The following EPB41L3 variants were observed in gnomAD, a reference collection of about 807,000 sequenced individuals.
EPB41L3 encodes band 4.1-like protein 3.
In EPB41L3, 57 loss-of-function variants were observed where a neutral mutation model predicts 127.1. The ratio of observed to expected loss-of-function variants is 0.45; its 90% CI spans 0.36 to 0.56. EPB41L3 has a LOEUF of 0.56. EPB41L3 is among the 20% of genes least tolerant of loss of function. The pLI is 0.00. For missense variants in EPB41L3, 1,273 were observed against 1,372.2 expected (o/e 0.93, Z 1.14); for synonymous variants, 572 against 549.5 (o/e 1.04, Z -0.57).
chr18:5,611,987 T>C (rs1208037085), intron 3 of EPB41L3, among the ~76,000 whole-genome samples: 1 of 151,868 alleles, frequency 6.6e-6, no homozygotes, highest in East Asian at 1.9e-4. Flanking sequence ...TGTTAAGTTC[T>C]CAATCCATAA....
intron 2 of EPB41L3, among the ~76,000 whole-genome samples, chr18:5,612,830 T>C (rs1383568317): frequency 6.6e-6 from 1 of 152,174 alleles, no homozygotes; most frequent in East Asian, 1.9e-4. Context: ...AATCTCCGCC[T>C]CCAGGGTTCA....
intron 13 of EPB41L3, 123 bp from the exon 14 acceptor site, chr18:5,410,742 T>C (rs771395325): frequency 2.8e-6 from 2 of 707,214 alleles, no homozygotes; most frequent in Non-Finnish European, 4.9e-6. Context: ...TTTCTCTGTG[T>C]CACACTACCT....
chr18:5,430,525 C>G (rs2078848615), intron 8 of EPB41L3, among the ~76,000 whole-genome samples: 1 of 151,966 alleles, frequency 6.6e-6, no homozygotes, highest in African/African-American at 2.4e-5. Flanking sequence ...TTTTCTGCCA[C>G]AGCCCACAGT....
intron 3 of EPB41L3, among the ~76,000 whole-genome samples, chr18:5,557,725 C>G (rs1459055138): frequency 6.6e-6 from 1 of 152,112 alleles, no homozygotes; most frequent in East Asian, 1.9e-4. Context: ...GAAGTTCTCT[C>G]AAGAATACAG....
At chr18:5,578,751 C>T (rs1275319671) in intron 3 of EPB41L3, among the ~76,000 whole-genome samples, 1 of 151,994 alleles carries the variant, frequency 6.6e-6, no homozygotes, top group South Asian at 2.1e-4. Flanking sequence ...ATTCACTTAG[C>T]AAAAAATGAA....
intron 3 of EPB41L3, among the ~76,000 whole-genome samples, chr18:5,576,172 C>T (rs377471623): frequency 6.6e-6 from 1 of 151,766 alleles, no homozygotes; most frequent in Admixed American, 6.6e-5. Flanking sequence ...CTAGAATTAT[C>T]GAAAAATTAG....
At chr18:5,512,791 G>T (rs1402266345) in intron 1 of EPB41L3, among the ~76,000 whole-genome samples, 3 of 152,072 alleles carry the variant, frequency 2.0e-5, no homozygotes, top group African/African-American at 7.2e-5. Flanking sequence ...CTACCATAAG[G>T]TACCCTAAAA....
At chr18:5,601,496 T>C (rs2094591158) in intron 3 of EPB41L3, among the ~76,000 whole-genome samples, 1 of 152,142 alleles carries the variant, frequency 6.6e-6, no homozygotes, top group South Asian at 2.1e-4. Flanking sequence ...TAATAAAACC[T>C]TGTAGTGTGT....
At chr18:5,405,000 A>C (rs1413769146) in intron 16 of EPB41L3, among the ~76,000 whole-genome samples, 3 of 152,230 alleles carry the variant, frequency 2.0e-5, no homozygotes, top group African/African-American at 7.2e-5. Context: ...ACTGAAGTGT[A>C]ATGGTACAAG....
At chr18:5,546,101 T>C (rs967066792), upstream of EPB41L3, among the ~76,000 whole-genome samples, 12 of 152,246 alleles carry the variant, frequency 7.9e-5, no homozygotes, top group African/African-American at 2.9e-4. Context: ...ATTTTTGCTA[T>C]TCTTTAAAAT....
At chr18:5,569,184 A>T (rs1356555881) in intron 3 of EPB41L3, among the ~76,000 whole-genome samples, 1 of 152,236 alleles carries the variant, frequency 6.6e-6, no homozygotes, top group Non-Finnish European at 1.5e-5. Context: ...CAGTAACATT[A>T]AACTCCCTTT....
rs1207407750 is a variant in EPB41L3, at chr18:5,492,319, C to CA, written c.-11-3126dup. Among the ~76,000 whole-genome samples the CA allele has an allele frequency of 4.1e-5, 6 of 146,620 alleles. 1 individual carries two copies. In the East Asian group the frequency reaches 1.2e-3, roughly 30 times the overall value. The stretch of plus-strand genomic sequence containing the variant: ...TGGGTGACACAGAGAGACTCGGTCT[C>CA]AAAAAAATAAATACAATACAATATA... On this transcript the variant is annotated intron_variant, in intron 1 of 22. Transcript: ENST00000341928.
At chr18:5,549,153 C>T (rs2093927988), upstream of EPB41L3, among the ~76,000 whole-genome samples, 1 of 152,216 alleles carries the variant, frequency 6.6e-6, no homozygotes, top group African/African-American at 2.4e-5. Flanking sequence ...AACTAATAAA[C>T]ATACAGCAAT....
At chr18:5,413,749 C>T (rs1344880136) in intron 13 of EPB41L3, among the ~76,000 whole-genome samples, 2 of 152,192 alleles carry the variant, frequency 1.3e-5, no homozygotes, top group Admixed American at 6.5e-5. Flanking sequence ...GGCAGGAGAG[C>T]TATCATATAG....
intron 3 of EPB41L3, among the ~76,000 whole-genome samples, chr18:5,470,153 CTG>C (rs759471527): frequency 3.9e-5 from 6 of 152,216 alleles, no homozygotes; most frequent in Non-Finnish European, 7.3e-5. Context: ...TAGCCTTTCT[CTG>C]TGTGTCCTCA....
At chr18:5,402,063 T>C (rs780572330) in intron 16 of EPB41L3, among the ~76,000 whole-genome samples, 5 of 151,922 alleles carry the variant, frequency 3.3e-5, no homozygotes, top group Non-Finnish European at 5.9e-5. Context: ...CAAGAGATTG[T>C]AGGGGAACAT....
At chr18:5,603,043 C>T (rs1478032935) in intron 3 of EPB41L3, among the ~76,000 whole-genome samples, 1 of 152,190 alleles carries the variant, frequency 6.6e-6, no homozygotes, top group East Asian at 1.9e-4. Context: ...CTATCATCAA[C>T]ACTGCCTCAT....
chr18:5,423,728 G>A (rs1037061824), intron 10 of EPB41L3, among the ~76,000 whole-genome samples, 175 bp from the exon 11 acceptor site: 1 of 152,132 alleles, frequency 6.6e-6, no homozygotes, highest in Non-Finnish European at 1.5e-5. Flanking sequence ...ATCAACTAGG[G>A]ATATTGTAGA....
chr18:5,591,025 C>T (rs547738070), intron 3 of EPB41L3, among the ~76,000 whole-genome samples: 1 of 151,862 alleles, frequency 6.6e-6, no homozygotes, highest in East Asian at 1.9e-4. Flanking sequence ...GAAGTACAGA[C>T]ATGAAGATCA....
Sources: gnomAD v4.1 joint callset for allele counts (sites outside exome capture counted in the v4.1 genomes callset) on GRCh38, gnomAD v4.1.1 for gene constraint, MANE v1.5 for transcripts, NCBI Gene and HGNC (gene_info 2026-07-23, HGNC 2026-07-21) for gene names.